Variants in NHEJ1 observed in about 807,000 individuals in gnomAD.
NHEJ1 encodes non-homologous end joining factor 1, also known as non-homologous end-joining factor 1.
NHEJ1 carries 22 observed loss-of-function variants against 39.4 expected under a neutral mutation model. That is an observed-to-expected ratio of 0.56 (90% CI 0.40 to 0.80). The LOEUF (loss-of-function observed/expected upper bound fraction) is 0.80. Ranked by LOEUF, NHEJ1 falls within the 30% of genes least tolerant of loss-of-function variation. The pLI, the probability that NHEJ1 is intolerant of heterozygous loss-of-function variation, is 0.00. For missense variants in NHEJ1, 329 were observed against 357.1 expected, an observed-to-expected ratio of 0.92 and a Z score of 0.63; for synonymous variants, 154 against 135.6, an observed-to-expected ratio of 1.14 and a Z score of -0.94.
intron 7 of NHEJ1, among the ~76,000 whole-genome samples, chr2:219,076,906 C>A (rs1046311726): frequency 6.6e-6 from 1 of 152,100 alleles, no homozygotes; most frequent in Non-Finnish European, 1.5e-5. Context: ...ACAGCAAATG[C>A]GATATAAGAC....
chr2:219,094,791 G>A (rs2106329544), intron 5 of NHEJ1, among the ~76,000 whole-genome samples: 1 of 152,256 alleles, frequency 6.6e-6, no homozygotes, highest in African/African-American at 2.4e-5. Flanking sequence ...CAAACAGGCA[G>A]CCCTGACACC....
At chr2:219,142,662 T>A (rs760657620) in intron 5 of NHEJ1, among the ~76,000 whole-genome samples, 33 of 152,352 alleles carry the variant, frequency 2.2e-4, no homozygotes, top group Non-Finnish European at 4.3e-4. Flanking sequence ...CTCTGCCCAG[T>A]CATCCTAAAC....
intron 5 of NHEJ1, among the ~76,000 whole-genome samples, chr2:219,079,354 C>T (rs1389034508): frequency 6.6e-6 from 1 of 152,186 alleles, no homozygotes; most frequent in Non-Finnish European, 1.5e-5. Context: ...CCTGGATTGG[C>T]CCATACCTTG....
chr2:219,159,576 C>CATATATATATGCATATATATATATGCAT (rs1559206361), intron 1 of NHEJ1, among the ~76,000 whole-genome samples: 41 of 68,926 alleles, frequency 5.9e-4, no homozygotes, highest in South Asian at 1.3e-3. Flanking sequence ...TATATATATG[C>CATATATATATGCATATATATATATGCAT]ATATATATAT....
chr2:219,135,526 T>C (rs1249060328), intron 5 of NHEJ1, among the ~76,000 whole-genome samples: 1 of 152,144 alleles, frequency 6.6e-6, no homozygotes, highest in Non-Finnish European at 1.5e-5. Flanking sequence ...GGAGAATTGC[T>C]TGAACCCAGG....
chr2:219,080,556 T>C (rs577769950), intron 5 of NHEJ1, among the ~76,000 whole-genome samples: 1 of 144,754 alleles, frequency 6.9e-6, no homozygotes, highest in African/African-American at 2.5e-5. Context: ...TAAAAATATA[T>C]ATATATATAT....
intron 5 of NHEJ1, among the ~76,000 whole-genome samples, chr2:219,099,104 G>A (rs1190523631): frequency 1.3e-5 from 2 of 151,994 alleles, no homozygotes; most frequent in Non-Finnish European, 2.9e-5. Context: ...CGGCAAAACA[G>A]GATGGGGATG....
intron 5 of NHEJ1, among the ~76,000 whole-genome samples, chr2:219,083,388 G>A (rs1278822074): frequency 6.6e-6 from 1 of 151,036 alleles, no homozygotes; most frequent in Admixed American, 6.6e-5. Context: ...ATAGTATAAA[G>A]GTTTAAAAAA....
At chr2:219,136,706 G>A (rs143765723) in intron 5 of NHEJ1, among the ~76,000 whole-genome samples, 3,494 of 152,062 alleles carry the variant, frequency 0.023, 138 homozygotes, top group African/African-American at 0.079. Flanking sequence ...AGATTCAAGC[G>A]ATTCTCCTGC....
chr2:219,133,498 C>T (rs961048949), intron 5 of NHEJ1, among the ~76,000 whole-genome samples: 9 of 152,212 alleles, frequency 5.9e-5, no homozygotes, highest in African/African-American at 2.2e-4. Flanking sequence ...GACAGTTCTG[C>T]TCTTAAGAAC....
chr2:219,088,566 A>G (rs898717465), intron 5 of NHEJ1, among the ~76,000 whole-genome samples: 9 of 152,154 alleles, frequency 5.9e-5, no homozygotes, highest in African/African-American at 2.2e-4. Context: ...ATATTATTCC[A>G]TTTCTATGAA....
intron 5 of NHEJ1, among the ~76,000 whole-genome samples, chr2:219,094,990 C>A (rs949999714): frequency 4.6e-5 from 7 of 152,122 alleles, no homozygotes; most frequent in South Asian, 2.1e-4. Context: ...GAATTTTAGT[C>A]CCTCTGATTT....
chr2:219,145,059 AC>A (rs1330049019), intron 5 of NHEJ1, among the ~76,000 whole-genome samples: 1 of 152,162 alleles, frequency 6.6e-6, no homozygotes, highest in Admixed American at 6.5e-5. Context: ...TACTAAAAAT[AC>A]AAAAATTAGC....
At chr2:219,115,624 C>A (rs1287547154) in intron 5 of NHEJ1, among the ~76,000 whole-genome samples, 3 of 152,160 alleles carry the variant, frequency 2.0e-5, no homozygotes, top group Non-Finnish European at 1.5e-5. Flanking sequence ...AAACACTGTC[C>A]CTGCAATAAG....
In NHEJ1 at chr2:219,076,007, G is replaced by A; in HGVS notation, c.*374C>T. On this transcript the variant is annotated 3_prime_UTR_variant, in exon 8 of 8. Coordinates refer to ENST00000356853, the MANE Select transcript of NHEJ1 (RefSeq NM_024782.3). ...TGCTTTTTATTCCATGCAAAAGAGAGAAGTGGGTCTCTGAGGAGTATCTGG... is the reference window on the plus strand; with the variant it reads ...TGCTTTTTATTCCATGCAAAAGAGAAAAGTGGGTCTCTGAGGAGTATCTGG... The A allele has an allele frequency of 2.6e-6, 1 of 389,898 alleles. No homozygotes were observed. The highest frequency in any genetic ancestry group is 4.2e-5 in the East Asian group (1 of 23,926). 24.2% of individuals were successfully genotyped at this position (389,898 alleles called of 1,614,324 possible).
intron 5 of NHEJ1, chr2:219,102,372 T>C (rs1347015478): frequency 6.6e-6 from 1 of 152,192 alleles, no homozygotes; most frequent in Non-Finnish European, 1.5e-5. Context: ...ATGTGAACTC[T>C]TTTTTTGGTT....
At position 219,078,147 on chromosome 2, in the gene NHEJ1, A is replaced by T. The variant is rs765332881; in HGVS notation, c.648T>A (p.Asp216Glu). 3 of 1,614,154 alleles carry T rather than the reference A, an allele frequency of 1.9e-6. No individual in the cohort carries two copies. In the South Asian group the frequency reaches 3.3e-5, roughly 18 times the overall value. The change falls in exon 6 of 8, where the codon GAT (aspartate) becomes GAA (glutamate). Residue 216 changes from aspartate (D) to glutamate (E), a missense_variant. Physicochemically the swap from Asp to Glu is conservative, Grantham distance 45. Coordinates refer to ENST00000356853, the MANE Select transcript of NHEJ1 (RefSeq NM_024782.3). ...CTTGTGTGGTGACTGCCATATACAG[A>T]TCCTGCAGATTCATGACAAAGGGCT... ...DGKPFVMNLQ[D>E]LYMAVTTQEV... is the part of the protein sequence containing the mutation.
chr2:219,151,667 ATG>A (rs1949796796), intron 3 of NHEJ1, among the ~76,000 whole-genome samples: 1 of 152,166 alleles, frequency 6.6e-6, no homozygotes, highest in Non-Finnish European at 1.5e-5. Flanking sequence ...TTTTGAAAAT[ATG>A]TGTTAATGGG....
chr2:219,158,343 C>G lies in NHEJ1; in HGVS notation c.20G>C (p.Gly7Ala). 1 of 1,614,188 alleles carries G rather than the reference C, an allele frequency of 6.2e-7. No homozygotes were observed. The highest frequency in any genetic ancestry group is 8.5e-7 in the Non-Finnish European group (1 of 1,180,042). Reference protein sequence around the residue: MEELEQGLLMQPWAWLQ... With the variant: MEELEQALLMQPWAWLQ... The stretch of plus-strand genomic sequence containing the variant: ...CCACGCCCATGGCTGCATCAACAGG[C>G]CTTGCTCCAGTTCTTCCATCTGCAA... Residue 7 changes from glycine to alanine, a missense_variant, in exon 2 of 8, where the codon GGC becomes GCC. Transcript: ENST00000356853.
Sources: gnomAD v4.1 joint callset for allele counts (sites outside exome capture counted in the v4.1 genomes callset) on GRCh38, gnomAD v4.1.1 for gene constraint, MANE v1.5 for transcripts, NCBI Gene and HGNC (gene_info 2026-07-23, HGNC 2026-07-21) for gene names.